Variants in MALRD1 observed in about 807,000 individuals in gnomAD.
MALRD1 encodes the protein MAM and LDL receptor class A domain containing 1.
A neutral mutation model predicts 242.1 loss-of-function variants in MALRD1; 247 were observed. The ratio of observed to expected loss-of-function variants is 1.02; its 90% CI spans 0.92 to 1.13. The LOEUF (loss-of-function observed/expected upper bound fraction) is 1.13, where lower values mean the gene tolerates loss of function less well. Among genes scored for constraint, MALRD1 ranks in the 50% most tolerant of loss-of-function variants. The pLI is 0.00. For missense variants in MALRD1, 2,989 were observed against 2,533.1 expected, an observed-to-expected ratio of 1.18 and a Z score of -3.86; for synonymous variants, 995 against 866.6, an observed-to-expected ratio of 1.15 and a Z score of -2.60.
intron 31 of MALRD1, among the ~76,000 whole-genome samples, chr10:19,529,173 A>C (rs1044408080): frequency 6.6e-6 from 1 of 152,180 alleles, no homozygotes; most frequent in African/African-American, 2.4e-5. Flanking sequence ...ATATTCCTAG[A>C]GCATTCTATT....
intron 20 of MALRD1, among the ~76,000 whole-genome samples, chr10:19,281,992 A>G (rs1436498142): frequency 6.6e-6 from 1 of 151,152 alleles, no homozygotes; most frequent in East Asian, 1.9e-4. Context: ...AAAAATGAAC[A>G]CATAACATGA....
chr10:19,058,971 T>C (rs1001199219), intron 1 of MALRD1, among the ~76,000 whole-genome samples: 3 of 152,184 alleles, frequency 2.0e-5, no homozygotes, highest in African/African-American at 7.2e-5. Context: ...TAAAAAGTGT[T>C]CATGCCCTCT....
chr10:19,241,918 A>G (rs1161138620), intron 18 of MALRD1, among the ~76,000 whole-genome samples: 4 of 152,170 alleles, frequency 2.6e-5, no homozygotes, highest in African/African-American at 4.8e-5. Flanking sequence ...ATCAGAAAAG[A>G]TACTTCATAT....
chr10:19,612,173 C>A (rs1838931261), intron 35 of MALRD1, among the ~76,000 whole-genome samples: 1 of 151,800 alleles, frequency 6.6e-6, no homozygotes, highest in Non-Finnish European at 1.5e-5. Flanking sequence ...CATAAAACAG[C>A]TTATCTAACA....
intron 38 of MALRD1, chr10:19,730,471 T>A (rs987584443): frequency 1.6e-5 from 9 of 553,240 alleles, no homozygotes; most frequent in Non-Finnish European, 2.3e-5. Context: ...TGAGTTTATT[T>A]GGATCTAAAC....
In MALRD1 at chr10:19,165,267, T is replaced by A. The variant is rs1036962299; in HGVS notation, c.1657-370T>A. On this transcript the variant is annotated intron_variant, in intron 12 of 39. Coordinates refer to ENST00000454679, the MANE Select transcript of MALRD1 (RefSeq NM_001142308.3). ...AATATATATATATATATATATATAT[T>A]TTGTTTTGTTTTGTTTTTGTTTTGT... Among the ~76,000 whole-genome samples the A allele has an allele frequency of 1.4e-3, 75 of 53,806 alleles. 1 individual carries two copies. Among genetic ancestry groups the A allele is most frequent in the Non-Finnish European group, 1.4e-3 (42 of 29,498 alleles). 35.3% of individuals were successfully genotyped at this position (53,806 alleles called of 152,430 possible). A position where few individuals can be genotyped will look rare whatever the true frequency, so the allele number is the denominator to read the frequency against.
intron 33 of MALRD1, among the ~76,000 whole-genome samples, chr10:19,586,643 G>T (rs1183743022): frequency 1.3e-5 from 2 of 152,190 alleles, no homozygotes; most frequent in Non-Finnish European, 2.9e-5. Flanking sequence ...GTCAGACAGG[G>T]ACATTTAAGT....
chr10:19,504,563 A>C (rs12267808), intron 31 of MALRD1, among the ~76,000 whole-genome samples: 6,596 of 151,614 alleles, frequency 0.044, 487 homozygotes, highest in African/African-American at 0.15. Flanking sequence ...ACTCATATGC[A>C]CTCAAACATA....
chr10:19,708,822 C>T (rs1375416656), intron 38 of MALRD1, among the ~76,000 whole-genome samples: 3 of 119,946 alleles, frequency 2.5e-5, no homozygotes, highest in African/African-American at 7.9e-5. Context: ...CCACCACACC[C>T]AGCTAATTTT....
intron 38 of MALRD1, among the ~76,000 whole-genome samples, chr10:19,726,470 G>A (rs1458423408): frequency 2.6e-5 from 4 of 152,084 alleles, no homozygotes; most frequent in Non-Finnish European, 4.4e-5. Flanking sequence ...TGAGGATGAG[G>A]AGAAATAGAA....
chr10:19,235,186 C>T (rs758263746), intron 18 of MALRD1, among the ~76,000 whole-genome samples: 11 of 151,996 alleles, frequency 7.2e-5, no homozygotes, highest in East Asian at 1.9e-4. Flanking sequence ...TTAGATAGGC[C>T]GCTCTTTTGG....
At chr10:19,098,151 G>A (rs771514598) in intron 4 of MALRD1, among the ~76,000 whole-genome samples, 48 of 152,138 alleles carry the variant, frequency 3.2e-4, no homozygotes, top group Non-Finnish European at 5.9e-5. Flanking sequence ...TGTTGTTCTT[G>A]AAGGACGCTC....
At chr10:19,210,831 A>G (rs1010970840) in intron 18 of MALRD1, among the ~76,000 whole-genome samples, 1 of 152,150 alleles carries the variant, frequency 6.6e-6, no homozygotes, top group Non-Finnish European at 1.5e-5. Context: ...CAGCTCTCCC[A>G]CAGCGTAAGG....
At chr10:19,289,820 T>C (rs1312495148) in intron 21 of MALRD1, among the ~76,000 whole-genome samples, 1 of 152,192 alleles carries the variant, frequency 6.6e-6, no homozygotes, top group Middle Eastern at 3.2e-3. Flanking sequence ...AAGGATGTTG[T>C]TTTGGAAATA....
At chr10:19,681,636 C>T (rs1226063828) in intron 36 of MALRD1, among the ~76,000 whole-genome samples, 3 of 152,060 alleles carry the variant, frequency 2.0e-5, no homozygotes, top group Admixed American at 6.6e-5. Flanking sequence ...CCATTATTAC[C>T]CACCTTCTGA....
intron 11 of MALRD1, among the ~76,000 whole-genome samples, chr10:19,147,700 A>C (rs561262089): frequency 2.0e-4 from 31 of 152,340 alleles, no homozygotes; most frequent in Admixed American, 1.1e-3. Flanking sequence ...AAGGAATTGC[A>C]ATCGGTTATG....
At chr10:19,237,670 T>TATA (rs1838411878) in intron 18 of MALRD1, among the ~76,000 whole-genome samples, 13 of 107,756 alleles carry the variant, frequency 1.2e-4, no homozygotes, top group Non-Finnish European at 1.6e-4. Flanking sequence ...ATAAATTATA[T>TATA]AATTATATAT....
At chr10:19,264,105 C>T (rs994508643) in intron 19 of MALRD1, among the ~76,000 whole-genome samples, 3 of 152,096 alleles carry the variant, frequency 2.0e-5, no homozygotes, top group Admixed American at 6.5e-5. Context: ...GGGAGCATTT[C>T]TTCTATTCCT....
intron 1 of MALRD1, among the ~76,000 whole-genome samples, chr10:19,054,592 A>G (rs1834607221): frequency 6.6e-6 from 1 of 152,054 alleles, no homozygotes; most frequent in Non-Finnish European, 1.5e-5. Context: ...GGTAATCATC[A>G]TTTCATTTTC....
Sources: gnomAD v4.1 joint callset for allele counts (sites outside exome capture counted in the v4.1 genomes callset) on GRCh38, gnomAD v4.1.1 for gene constraint, MANE v1.5 for transcripts, NCBI Gene and HGNC (gene_info 2026-07-23, HGNC 2026-07-21) for gene names.